CSMD1: variants seen among roughly 807,000 people sequenced by gnomAD.
The protein encoded by CSMD1 is CUB and Sushi multiple domains 1.
In CSMD1, 213 loss-of-function variants were observed where a neutral mutation model predicts 417.5. The observed-to-expected ratio is 0.51, with a 90% confidence interval of 0.46 to 0.57. The LOEUF is 0.57. CSMD1 is among the 20% of genes least tolerant of loss of function. The pLI is 0.00. For synonymous variants in CSMD1, 2,862 were observed against 1,736.8 expected (o/e 1.65, Z -16.11); for missense variants, 6,923 against 4,529.7 (o/e 1.53, Z -15.17).
At chr8:3,219,151 A>G (rs184700911) in intron 29 of CSMD1, 104 bp downstream of exon 29, 1 of 878,960 alleles carries the variant, frequency 1.1e-6, no homozygotes. Context: ...ACATATCAGC[A>G]TTTATGTATT....
At position 3,729,014 on chromosome 8, in the gene CSMD1, G is replaced by A. The variant is rs138791383; in HGVS notation, c.932-20523C>T. 5.0e-4 allele frequency among the ~76,000 whole-genome samples: 76 copies of A among 152,314 alleles called. 2 individuals carry two copies. The highest frequency in any genetic ancestry group is 1.7e-3 in the African/African-American group (71 of 41,580). On this transcript the variant is annotated intron_variant, in intron 6 of 69. Transcript: ENST00000635120. ...GTGATGCTACTGTCCTCTGTGGGGA[G>A]CCCCGCCAAACCGACCAGCAAAACT...
At chr8:3,957,009 T>G (rs1249805425) in intron 5 of CSMD1, among the ~76,000 whole-genome samples, 1 of 152,108 alleles carries the variant, frequency 6.6e-6, no homozygotes, top group Non-Finnish European at 1.5e-5. Context: ...GAAACCCACA[T>G]GGAAGTAGAG....
chr8:3,213,829 T>C (rs1462279237), intron 30 of CSMD1, among the ~76,000 whole-genome samples: 4 of 146,898 alleles, frequency 2.7e-5, no homozygotes, highest in Non-Finnish European at 5.9e-5. Context: ...TGTGTGTCTG[T>C]GTATGTGTGT....
At chr8:4,239,971 TA>T (rs1350432109) in intron 3 of CSMD1, among the ~76,000 whole-genome samples, 1 of 152,230 alleles carries the variant, frequency 6.6e-6, no homozygotes, top group Non-Finnish European at 1.5e-5. Flanking sequence ...AAACCTCTTT[TA>T]CCAGTGATTT....
intron 33 of CSMD1, among the ~76,000 whole-genome samples, chr8:3,192,099 T>G (rs146463441): frequency 1.3e-5 from 2 of 152,296 alleles, no homozygotes; most frequent in Admixed American, 1.3e-4. Context: ...GGCAGATTAT[T>G]TTGATTAAAC....
intron 10 of CSMD1, among the ~76,000 whole-genome samples, chr8:3,536,078 T>C (rs1798185713): frequency 6.6e-6 from 1 of 152,192 alleles, no homozygotes; most frequent in Admixed American, 6.5e-5. Context: ...CAAGTAGAGA[T>C]GTCCCCAAGT....
At chr8:4,720,471 G>A (rs1584995620) in intron 1 of CSMD1, among the ~76,000 whole-genome samples, 1 of 152,120 alleles carries the variant, frequency 6.6e-6, no homozygotes, top group African/African-American at 2.4e-5. Flanking sequence ...ATGCTGGAGT[G>A]CAGAGGCATG....
intron 5 of CSMD1, among the ~76,000 whole-genome samples, chr8:3,774,608 C>A (rs1455111879): frequency 6.6e-6 from 1 of 152,134 alleles, no homozygotes. Context: ...CAGTTGGGAA[C>A]CTGTTTCAAA....
chr8:3,425,847 G>C (rs1287012579), intron 12 of CSMD1, among the ~76,000 whole-genome samples: 1 of 152,100 alleles, frequency 6.6e-6, no homozygotes, highest in Non-Finnish European at 1.5e-5. Flanking sequence ...ACTATGACCT[G>C]TTAGAATAAA....
chr8:3,038,356 G>C (rs751930519), intron 50 of CSMD1, among the ~76,000 whole-genome samples: 2 of 152,058 alleles, frequency 1.3e-5, no homozygotes, highest in Non-Finnish European at 2.9e-5. Flanking sequence ...CCAACCCCTG[G>C]GAAGGATTTT....
intron 3 of CSMD1, among the ~76,000 whole-genome samples, chr8:4,331,728 C>T (rs1056147661): frequency 1.3e-5 from 2 of 152,084 alleles, no homozygotes; most frequent in African/African-American, 4.8e-5. Context: ...TTCACAATGA[C>T]CTTTCTAAAT....
intron 3 of CSMD1, among the ~76,000 whole-genome samples, chr8:4,091,059 C>G (rs770389528): frequency 1.3e-5 from 2 of 151,938 alleles, no homozygotes; most frequent in Non-Finnish European, 2.9e-5. Context: ...TCTGGGTCTA[C>G]AGGCACCCAC....
intron 4 of CSMD1, among the ~76,000 whole-genome samples, chr8:4,006,121 A>G (rs1410509866): frequency 1.3e-5 from 2 of 152,174 alleles, no homozygotes; most frequent in Non-Finnish European, 2.9e-5. Flanking sequence ...AGGAGACTTG[A>G]TATTCACATA....
intron 10 of CSMD1, among the ~76,000 whole-genome samples, chr8:3,554,456 C>G (rs1447401780): frequency 6.6e-6 from 1 of 152,070 alleles, no homozygotes; most frequent in Admixed American, 6.5e-5. Flanking sequence ...AGAACAGGGT[C>G]ACAGACACCC....
At chr8:4,817,771 C>A (rs1410084599) in intron 1 of CSMD1, among the ~76,000 whole-genome samples, 1 of 152,106 alleles carries the variant, frequency 6.6e-6, no homozygotes, top group Non-Finnish European at 1.5e-5. Flanking sequence ...TAGGTACTCT[C>A]AATGTGATTA....
At chr8:4,732,373 G>GTGTGTGTA (rs1426912617) in intron 1 of CSMD1, among the ~76,000 whole-genome samples, 10 of 149,550 alleles carry the variant, frequency 6.7e-5, no homozygotes, top group African/African-American at 2.0e-4. Context: ...GTGTGTGTGT[G>GTGTGTGTA]TGTGTGTGTA....
At chr8:4,762,598 C>G (rs984139295) in intron 1 of CSMD1, among the ~76,000 whole-genome samples, 16 of 152,246 alleles carry the variant, frequency 1.1e-4, no homozygotes, top group African/African-American at 3.4e-4. Context: ...GTGCATCCCT[C>G]TGAGCCTGAG....
intron 3 of CSMD1, among the ~76,000 whole-genome samples, chr8:4,183,590 T>A (rs1017240802): frequency 2.6e-5 from 4 of 152,170 alleles, no homozygotes; most frequent in African/African-American, 7.2e-5. Flanking sequence ...AAGTAAAAAT[T>A]CATAATTTTG....
At chr8:3,089,480 T>C (rs964379698) in intron 48 of CSMD1, among the ~76,000 whole-genome samples, 5 of 152,234 alleles carry the variant, frequency 3.3e-5, no homozygotes, top group Non-Finnish European at 7.3e-5. Flanking sequence ...ATTCATTATA[T>C]TGCTTTTATG....
Sources: gnomAD v4.1 joint callset for allele counts (sites outside exome capture counted in the v4.1 genomes callset) on GRCh38, gnomAD v4.1.1 for gene constraint, MANE v1.5 for transcripts, NCBI Gene and HGNC (gene_info 2026-07-23, HGNC 2026-07-21) for gene names.